Variants in FHAD1 observed in about 807,000 individuals in gnomAD.
The protein encoded by FHAD1 is forkhead-associated domain-containing protein 1.
FHAD1 carries 146 observed loss-of-function variants against 191.3 expected under a neutral mutation model. That is an observed-to-expected ratio of 0.76 (90% CI 0.67 to 0.88). The LOEUF (loss-of-function observed/expected upper bound fraction) is 0.88, where lower values mean the gene tolerates loss of function less well. Among genes scored for constraint, FHAD1 ranks in the 40% least tolerant of loss-of-function variants. The pLI is 0.00. For missense variants in FHAD1, 1,635 were observed against 1,785.8 expected, an observed-to-expected ratio of 0.92 and a Z score of 1.52; for synonymous variants, 616 against 672.3, an observed-to-expected ratio of 0.92 and a Z score of 1.29.
At chr1:15,335,644 T>C (rs1683736055) in intron 14 of FHAD1, among the ~76,000 whole-genome samples, 1 of 152,188 alleles carries the variant, frequency 6.6e-6, no homozygotes, top group Non-Finnish European at 1.5e-5. Flanking sequence ...CCAGCCACTG[T>C]GCAGAACATG....
chr1:15,328,394 A>T lies in FHAD1; in HGVS notation c.1675A>T (p.Ile559Phe). 6.5e-7 allele frequency: 1 copy of T among 1,544,916 alleles called. No individual in the cohort carries two copies. The highest frequency in any genetic ancestry group is 8.7e-7 in the Non-Finnish European group (1 of 1,144,588). ...NSKQEETTEN[I>F]EKLRTSLDSC... ...CAAGCAGGAGGAGACCACCGAGAACATCGAGAAGCTGAGGACGTCGCTGGA... is the reference window on the plus strand; with the variant it reads ...CAAGCAGGAGGAGACCACCGAGAACTTCGAGAAGCTGAGGACGTCGCTGGA... The change falls in exon 13 of 34, where the codon ATC (isoleucine) becomes TTC (phenylalanine). Residue 559 changes from isoleucine to phenylalanine, a missense_variant. Ile to Phe is a conservative substitution (Grantham distance 21). Transcript: ENST00000688493.
downstream of FHAD1, among the ~76,000 whole-genome samples, chr1:15,398,351 G>C (rs1434166357): frequency 6.6e-6 from 1 of 150,784 alleles, no homozygotes; most frequent in Non-Finnish European, 1.5e-5. Flanking sequence ...CCATAATAAT[G>C]ACTAACGTCT....
At chr1:15,317,440 A>T (rs779486707) in intron 9 of FHAD1, among the ~76,000 whole-genome samples, 1 of 152,200 alleles carries the variant, frequency 6.6e-6, no homozygotes, top group Non-Finnish European at 1.5e-5. Context: ...AAAACATTTC[A>T]TTGTTCCGTT....
At chr1:15,338,799 C>A (rs971094022) in intron 14 of FHAD1, among the ~76,000 whole-genome samples, 1 of 152,160 alleles carries the variant, frequency 6.6e-6, no homozygotes, top group African/African-American at 2.4e-5. Flanking sequence ...CACTCACATG[C>A]CACCTGGGGT....
At chr1:15,366,573 C>G (rs1282162118) in intron 24 of FHAD1, among the ~76,000 whole-genome samples, 2 of 152,236 alleles carry the variant, frequency 1.3e-5, no homozygotes, top group African/African-American at 4.8e-5. Flanking sequence ...ATCCTGGGAT[C>G]TCCCTGCAGC....
rs1691377787 is a variant in FHAD1, at chr1:15,352,910, A to G, written c.2488A>G (p.Lys830Glu). 3.9e-6 allele frequency: 6 copies of G among 1,551,586 alleles called. No homozygotes were observed. The highest frequency in any genetic ancestry group is 4.4e-6 in the Non-Finnish European group (5 of 1,146,984). ...SESNIAYEKR[K>E]AKEAMEKEKK... Reference sequence around the variant, plus strand: ...GAGCAACATTGCGTACGAGAAACGCAAAGCAAAGGAGGCCATGGAGAAGGA... The same window carrying G: ...GAGCAACATTGCGTACGAGAAACGCGAAGCAAAGGAGGCCATGGAGAAGGA... The change falls in exon 20 of 34, where the codon AAA becomes GAA. Residue 830 changes from lysine (K) to glutamate (E), a missense_variant. Transcript: ENST00000688493.
chr1:15,296,574 A>G lies in FHAD1; in HGVS notation c.569-110A>G. 1.9e-6 allele frequency: 2 copies of G among 1,058,026 alleles called. 1 individual carries two copies. The highest frequency in any genetic ancestry group is 4.0e-4 in the Middle Eastern group (2 of 5,004). The allele number at this position is 1,058,026 out of a possible 1,614,324, so 65.5% of individuals were successfully genotyped here. ...GGCCTTTAATTTTTAAATTACATAAAATATCAATCTCTGGGGGGAAACAAA... is the reference window on the plus strand; with the variant it reads ...GGCCTTTAATTTTTAAATTACATAAGATATCAATCTCTGGGGGGAAACAAA... On this transcript the variant is annotated intron_variant, in intron 4 of 33. Coordinates refer to ENST00000688493, the MANE Select transcript of FHAD1 (RefSeq NM_001391957.1).
In FHAD1 at chr1:15,308,280, C is replaced by T. The variant is rs553052842; in HGVS notation, c.916-333C>T. ...TGCTCTGTATCCAGTCAGTACTGGG[C>T]GACCTGGAACCAACAGGTGATCTGT... On this transcript the variant is annotated intron_variant, in intron 6 of 33. Coordinates refer to ENST00000688493, the MANE Select transcript of FHAD1 (RefSeq NM_001391957.1). Among the ~76,000 whole-genome samples, 8 of 152,304 alleles carry T rather than the reference C, an allele frequency of 5.3e-5. No homozygotes were observed. The South Asian group carries it at 1.2e-3, about 24-fold the overall frequency.
Position 15,345,221 on chromosome 1 carries a change from G to A in FHAD1, c.2238+31G>A, listed in dbSNP as rs779823259. ...TGGCTCAGGGAGACAGAGTCAGCTC[G>A]AGCCCCACTGCAGCTAGGAAGGGTG... On this transcript the variant is annotated intron_variant, in intron 17 of 33. Coordinates refer to ENST00000688493, the MANE Select transcript of FHAD1 (RefSeq NM_001391957.1). The A allele has an allele frequency of 7.2e-6, 11 of 1,522,660 alleles. No individual in the cohort carries two copies. In the South Asian group the frequency reaches 9.6e-5, roughly 13 times the overall value. 94.3% of individuals were successfully genotyped at this position (1,522,660 alleles called of 1,614,324 possible).
At chr1:15,236,950 G>C (rs191152527) in intron 1 of FHAD1, among the ~76,000 whole-genome samples, 7 of 152,196 alleles carry the variant, frequency 4.6e-5, no homozygotes, top group Non-Finnish European at 1.0e-4. Flanking sequence ...TTGACAGTGA[G>C]TGAGTTCTTG....
At chr1:15,351,338 C>T (rs2102463675) in intron 19 of FHAD1, among the ~76,000 whole-genome samples, 1 of 152,000 alleles carries the variant, frequency 6.6e-6, no homozygotes. Context: ...GAGTGAGACT[C>T]CATCTCAAAA....
intron 8 of FHAD1, chr1:15,315,163 G>A (rs950835596): frequency 6.6e-6 from 1 of 152,026 alleles, no homozygotes; most frequent in Non-Finnish European, 1.5e-5. Context: ...AATTACATGT[G>A]CTGTGTTAAT....
intron 1 of FHAD1, among the ~76,000 whole-genome samples, chr1:15,240,848 T>C (rs1246144325): frequency 6.6e-6 from 1 of 150,646 alleles, no homozygotes; most frequent in Admixed American, 6.6e-5. Context: ...TCCCAGCTAC[T>C]CGGGAGGCTG....
chr1:15,252,743 C>T (rs367549830), intron 2 of FHAD1, among the ~76,000 whole-genome samples: 20 of 152,322 alleles, frequency 1.3e-4, no homozygotes, highest in East Asian at 5.8e-4. Context: ...AGGGAGGCCA[C>T]GGAGCTCCAA....
chr1:15,368,302 C>G (rs1485067517), intron 25 of FHAD1, among the ~76,000 whole-genome samples: 2 of 152,150 alleles, frequency 1.3e-5, no homozygotes, highest in African/African-American at 2.4e-5. Flanking sequence ...CTGCCCTCCC[C>G]ACGAGGACAG....
At chr1:15,328,184 A>T in intron 12 of FHAD1, 93 bp from the exon 13 acceptor site, 33 of 916,348 alleles carry the variant, frequency 3.6e-5, no homozygotes, top group Non-Finnish European at 4.8e-5. Context: ...CTTAAGTTGC[A>T]TCTCTCCCCT....
In FHAD1 at chr1:15,397,466, C is replaced by G; in HGVS notation, c.*53C>G. On this transcript the variant is annotated 3_prime_UTR_variant, in exon 34 of 34. Transcript: ENST00000688493. ...TGATCCTCTGTGAGTTCATGTGACT[C>G]TTCTGTGTCATCTGTGTCAAAATAC... The G allele has an allele frequency of 2.4e-6, 2 of 842,346 alleles. No individual in the cohort carries two copies. The highest frequency in any genetic ancestry group is 2.9e-5 in the East Asian group (1 of 34,348). 52.2% of individuals were successfully genotyped at this position (842,346 alleles called of 1,614,324 possible). A position where few individuals can be genotyped will look rare whatever the true frequency, so the allele number is the denominator to read the frequency against.
At position 15,260,033 on chromosome 1, in the gene FHAD1, C is replaced by T. The variant is rs946632794; in HGVS notation, c.93+8156C>T. ...TAAGCGTTTCATGTTTAACTTGCTG[C>T]GAAAATGGAACCCCCTCCTCAAAAG... On this transcript the variant is annotated intron_variant, in intron 2 of 33. Transcript: ENST00000688493. Among the ~76,000 whole-genome samples the T allele has an allele frequency of 7.9e-5, 12 of 152,240 alleles. No individual in the cohort carries two copies. In the East Asian group the frequency reaches 1.2e-3, roughly 15 times the overall value.
chr1:15,350,135 C>T (rs1690324943), intron 19 of FHAD1, among the ~76,000 whole-genome samples: 1 of 152,218 alleles, frequency 6.6e-6, no homozygotes, highest in Non-Finnish European at 1.5e-5. Flanking sequence ...ATTCATTTAT[C>T]CACCCACCGA....
Sources: gnomAD v4.1 joint callset for allele counts (sites outside exome capture counted in the v4.1 genomes callset) on GRCh38, gnomAD v4.1.1 for gene constraint, MANE v1.5 for transcripts, NCBI Gene and HGNC (gene_info 2026-07-23, HGNC 2026-07-21) for gene names.